Variants in OMD observed in about 807,000 individuals in gnomAD.
OMD encodes the protein KSPG osteomodulin.
In OMD, 19 loss-of-function variants were observed where a neutral mutation model predicts 31.2. The observed-to-expected ratio is 0.61, with a 90% CI of 0.42 to 0.89. The LOEUF is 0.89. Among genes scored for constraint, OMD ranks in the 40% least tolerant of loss-of-function variants. The pLI is 0.00. For missense variants in OMD, 448 were observed against 490.8 expected (o/e 0.91, Z 0.82); for synonymous variants, 155 against 166.4 (o/e 0.93, Z 0.53).
At chr9:92,418,814 C>T (rs796667803) in intron 1 of OMD, among the ~76,000 whole-genome samples, 1 of 152,238 alleles carries the variant, frequency 6.6e-6, no homozygotes, top group South Asian at 2.1e-4. Flanking sequence ...ATCAAATTTT[C>T]CTCATGAAAC....
chr9:92,420,261 T>C (rs1459624608), intron 1 of OMD, among the ~76,000 whole-genome samples: 1 of 152,176 alleles, frequency 6.6e-6, no homozygotes, highest in East Asian at 1.9e-4. Flanking sequence ...GATTCTACTG[T>C]TTTTCACTGT....
rs1408908116 is a variant in OMD, at chr9:92,412,628, GACTT to G, written c.*2520_*2523del. Among the ~76,000 whole-genome samples, 4 of 152,170 alleles carry G rather than the reference GACTT, an allele frequency of 2.6e-5. No homozygotes were observed. Among genetic ancestry groups the G allele is most frequent in the Non-Finnish European group, 4.4e-5 (3 of 68,028 alleles). The stretch of plus-strand genomic sequence containing the variant: ...ATACAATTTGTGTCTTTTTACGACT[GACTT>G]CTTTCACTGAGCATAATGTTTTCAA... On this transcript the variant is annotated 3_prime_UTR_variant, in exon 3 of 3. Transcript: ENST00000375550.
chr9:92,422,592 T>C (rs1369117368), intron 1 of OMD, among the ~76,000 whole-genome samples: 2 of 152,142 alleles, frequency 1.3e-5, no homozygotes, highest in African/African-American at 4.8e-5. Flanking sequence ...GAGGAACAAT[T>C]TCTCTTCTAA....
intron 1 of OMD, among the ~76,000 whole-genome samples, chr9:92,419,916 C>A (rs192937470): frequency 2.0e-5 from 3 of 152,122 alleles, no homozygotes; most frequent in African/African-American, 7.2e-5. Context: ...AAGTTATTTT[C>A]TTTGACAGAA....
In OMD at chr9:92,413,691, T is replaced by C. The variant is rs559829872; in HGVS notation, c.*1461A>G. Among the ~76,000 whole-genome samples, 60 of 152,310 alleles carry C rather than the reference T, an allele frequency of 3.9e-4. No individual in the cohort carries two copies. The South Asian group carries it at 0.012, about 30-fold the overall frequency. ...ATTGTGGCATCATAGTTGCACATTG[T>C]ACTTTGTTTATTGATCCCTTATTGC... On this transcript the variant is annotated 3_prime_UTR_variant, in exon 3 of 3. Transcript: ENST00000375550.
In OMD at chr9:92,417,509, T is replaced by C; in HGVS notation, c.50A>G (p.Lys17Arg). Residue 17 changes from lysine to arginine, a missense_variant, in exon 2 of 3, where the codon AAA (lysine) becomes AGA (arginine). By Grantham distance (26) the Lys-to-Arg change is conservative. Transcript: ENST00000375550. ...IYVIFFFFGV[K>R]VHCQYETYQW... ...ATAAGTTTCATATTGGCAATGTACT[T>C]TGACTCCAAAAAAGAAGAAAATAAC... The C allele has an allele frequency of 6.2e-7, 1 of 1,610,062 alleles. No individual in the cohort carries two copies.
rs6151074 is a variant in OMD, at chr9:92,416,058, G to GTGTA, written c.940+560_940+561insTACA. Among the ~76,000 whole-genome samples, 679 of 130,882 alleles carry GTGTA rather than the reference G, an allele frequency of 5.2e-3. 3 individuals are homozygous for GTGTA. Among genetic ancestry groups the GTGTA allele is most frequent in the South Asian group, 0.015 (60 of 3,962 alleles). The allele number at this position is 130,882 out of a possible 152,430, so 85.9% of individuals were successfully genotyped here. The stretch of plus-strand genomic sequence containing the variant: ...ATAAATAAATATATTATATATGTGT[G>GTGTA]TATATATATATATTTATTTATTTAT... On this transcript the variant is annotated intron_variant, in intron 2 of 2. Transcript: ENST00000375550.
At chr9:92,420,504 C>T (rs1391983320) in intron 1 of OMD, among the ~76,000 whole-genome samples, 1 of 152,170 alleles carries the variant, frequency 6.6e-6, no homozygotes, top group Non-Finnish European at 1.5e-5. Flanking sequence ...GATTCAAGAC[C>T]ACTAACCTCA....
chr9:92,420,366 C>A (rs1285781549), intron 1 of OMD, among the ~76,000 whole-genome samples: 7 of 152,178 alleles, frequency 4.6e-5, no homozygotes, highest in Non-Finnish European at 1.0e-4. Flanking sequence ...ATGCCCTAAA[C>A]TTTCTGGCTC....
chr9:92,416,939 A>T lies in OMD; in HGVS notation c.620T>A (p.Ile207Asn). Residue 207 changes from isoleucine (I) to asparagine (N), a missense_variant, in exon 2 of 3, where the codon ATC becomes AAC. By Grantham distance (149) the Ile-to-Asn change is moderately radical (BLOSUM62 -3). Coordinates refer to ENST00000375550, the MANE Select transcript of OMD (RefSeq NM_005014.3). ...CATTAGTTTTTCCATTTTGGCAAAG[A>T]TTTTGTCTTTTAGCAGAGAATCATG... Reference protein sequence around the residue: ...YLHDSLLKDKIFAKMEKLMQL... With the variant: ...YLHDSLLKDKNFAKMEKLMQL... 6.2e-7 allele frequency: 1 copy of T among 1,613,998 alleles called. No individual in the cohort carries two copies. The highest frequency in any genetic ancestry group is 1.1e-5 in the South Asian group (1 of 91,070).
Position 92,416,624 on chromosome 9 carries a change from A to G in OMD, c.935T>C (p.Ile312Thr). ...LEHLYLQNNEIEKMNLTVMCP... is the reference protein window; with the variant it reads ...LEHLYLQNNETEKMNLTVMCP... ...CACAATAAAAGTCTACATACTTTCT[A>G]TTTCATTATTTTGTAGGTATAGGTG... The change falls in exon 2 of 3, where the codon ATA (isoleucine) becomes ACA (threonine). Residue 312 changes from isoleucine (I) to threonine (T), a missense_variant. Physicochemically the swap from Ile to Thr is moderately conservative, Grantham distance 89 (BLOSUM62 -1). Transcript: ENST00000375550. 4 of 1,521,612 alleles carry G rather than the reference A, an allele frequency of 2.6e-6. No individual in the cohort carries two copies. The highest frequency in any genetic ancestry group is 3.6e-6 in the Non-Finnish European group (4 of 1,124,144). The allele number at this position is 1,521,612 out of a possible 1,614,324, so 94.3% of individuals were successfully genotyped here.
intron 1 of OMD, among the ~76,000 whole-genome samples, chr9:92,423,612 A>G (rs1487943914): frequency 6.6e-6 from 1 of 152,174 alleles, no homozygotes; most frequent in Non-Finnish European, 1.5e-5. Context: ...ATTTTTAGCC[A>G]TAATACATTT....
chr9:92,416,480 G>T, intron 2 of OMD, 139 bp downstream of exon 2: 1 of 574,014 alleles, frequency 1.7e-6, no homozygotes, highest in South Asian at 2.8e-5. Context: ...CTCTGGGGCA[G>T]ATTTCTGCCA....
rs35323105 is a variant in OMD, at chr9:92,412,975, C to CTTTTTTT, written c.*2170_*2176dup. 3.3e-4 allele frequency among the ~76,000 whole-genome samples: 15 copies of CTTTTTTT among 45,262 alleles called. No homozygotes were observed. Among genetic ancestry groups the CTTTTTTT allele is most frequent in the African/African-American group, 7.1e-4 (7 of 9,874 alleles). 29.7% of individuals were successfully genotyped at this position (45,262 alleles called of 152,430 possible). A position where few individuals can be genotyped will look rare whatever the true frequency, so the allele number is the denominator to read the frequency against. ...AATCGCTGGGTTATATGTAACTAAG[C>CTTTTTTT]TTTTTTTTTTTTTTTTTTTTTTTTT... On this transcript the variant is annotated 3_prime_UTR_variant, in exon 3 of 3. Coordinates refer to ENST00000375550, the MANE Select transcript of OMD (RefSeq NM_005014.3).
intron 2 of OMD, among the ~76,000 whole-genome samples, chr9:92,416,046 T>TATGTGTGTATATA (rs1202073989): frequency 1.0e-5 from 1 of 100,376 alleles, no homozygotes; most frequent in Non-Finnish European, 2.2e-5. Context: ...AATAAATATA[T>TATGTGTGTATATA]TATATATGTG....
intron 1 of OMD, among the ~76,000 whole-genome samples, chr9:92,419,999 T>C (rs1843736600): frequency 6.6e-6 from 1 of 152,192 alleles, no homozygotes; most frequent in African/African-American, 2.4e-5. Flanking sequence ...AATGTAACTA[T>C]TGTGTGTATT....
intron 1 of OMD, among the ~76,000 whole-genome samples, chr9:92,419,628 G>A (rs1450452758): frequency 3.3e-5 from 5 of 152,198 alleles, no homozygotes; most frequent in South Asian, 4.2e-4. Flanking sequence ...CTGCTTATCC[G>A]CCTGGTCGTT....
rs1050241257 is a variant in OMD, at chr9:92,414,725, A to G, written c.*427T>C. On this transcript the variant is annotated 3_prime_UTR_variant, in exon 3 of 3. Transcript: ENST00000375550. ...TATTCCTTAAATGAATGCTTGTTACATTAATATACCTTCCTGTCATTTAAA... is the reference window on the plus strand; with the variant it reads ...TATTCCTTAAATGAATGCTTGTTACGTTAATATACCTTCCTGTCATTTAAA... The G allele has an allele frequency of 4.6e-6, 1 of 215,282 alleles. No individual in the cohort carries two copies. Among genetic ancestry groups the G allele is most frequent in the African/African-American group, 2.3e-5 (1 of 44,418 alleles). 13.3% of individuals were successfully genotyped at this position (215,282 alleles called of 1,614,324 possible). A position where few individuals can be genotyped will look rare whatever the true frequency, so the allele number is the denominator to read the frequency against.
chr9:92,415,972 T>TTA (rs1048555630), intron 2 of OMD, among the ~76,000 whole-genome samples: 29 of 145,284 alleles, frequency 2.0e-4, no homozygotes, highest in Non-Finnish European at 2.9e-4. Context: ...AAATTGTCAG[T>TTA]TATATATATA....
Sources: allele counts gnomAD v4.1 joint callset (sites outside exome capture counted in the v4.1 genomes callset), GRCh38; gene constraint gnomAD v4.1.1; transcripts MANE v1.5; gene names NCBI Gene and HGNC (gene_info 2026-07-23, HGNC 2026-07-21).